LTBP1: variants seen among roughly 807,000 people sequenced by gnomAD.
LTBP1 encodes the protein latent-transforming growth factor beta-binding protein 1.
In LTBP1, 129 loss-of-function variants were observed where a neutral mutation model predicts 207.6. The ratio of observed to expected loss-of-function variants is 0.62; its 90% confidence interval spans 0.54 to 0.72. The LOEUF (loss-of-function observed/expected upper bound fraction) is 0.72, where lower values mean the gene tolerates loss of function less well. Ranked by LOEUF, LTBP1 falls within the 30% of genes least tolerant of loss-of-function variation. The probability of loss-of-function intolerance (pLI) is 0.00; values close to 1 mark genes in which losing one functional copy is unlikely to be tolerated. For synonymous variants in LTBP1, 963 were observed against 833.7 expected (o/e 1.16, Z -2.67); for missense variants, 2,281 against 2,217.2 (o/e 1.03, Z -0.58).
chr2:33,288,272 C>T (rs2093703716), intron 19 of LTBP1, among the ~76,000 whole-genome samples: 2 of 152,234 alleles, frequency 1.3e-5, no homozygotes, highest in African/African-American at 2.4e-5. Context: ...TGAGCACAGG[C>T]TGGGGAGAAC....
At chr2:33,151,146 C>T (rs1296753641) in intron 5 of LTBP1, among the ~76,000 whole-genome samples, 1 of 152,168 alleles carries the variant, frequency 6.6e-6, no homozygotes, top group Admixed American at 6.5e-5. Flanking sequence ...ATGCATTCAT[C>T]TGTCGATGTA....
At chr2:33,075,342 TG>T (rs1052883494) in intron 3 of LTBP1, among the ~76,000 whole-genome samples, 2 of 152,190 alleles carry the variant, frequency 1.3e-5, no homozygotes, top group African/African-American at 4.8e-5. Context: ...AAATATTTTT[TG>T]GGGGGCAACA....
intron 7 of LTBP1, among the ~76,000 whole-genome samples, chr2:33,210,530 A>G (rs559765446): frequency 6.6e-6 from 1 of 152,264 alleles, no homozygotes; most frequent in African/African-American, 2.4e-5. Flanking sequence ...CAAAGATGCT[A>G]ATTATTTAAT....
At chr2:33,189,805 T>TA (rs1303971146) in intron 7 of LTBP1, among the ~76,000 whole-genome samples, 14 of 152,050 alleles carry the variant, frequency 9.2e-5, no homozygotes, top group African/African-American at 3.4e-4. Flanking sequence ...GCAGGTGGAT[T>TA]ACCTGAGGTC....
chr2:33,102,851 A>G (rs1233143141), intron 3 of LTBP1, among the ~76,000 whole-genome samples: 1 of 151,982 alleles, frequency 6.6e-6, no homozygotes, highest in Non-Finnish European at 1.5e-5. Flanking sequence ...TGTATGCTGT[A>G]TGCACTGTCT....
chr2:33,002,637 C>G (rs189282145), intron 2 of LTBP1, among the ~76,000 whole-genome samples: 3 of 152,182 alleles, frequency 2.0e-5, no homozygotes, highest in African/African-American at 7.2e-5. Flanking sequence ...AAAAACATTT[C>G]TAGCACTGGG....
intron 2 of LTBP1, among the ~76,000 whole-genome samples, chr2:33,014,994 CTTTT>C (rs970499735): frequency 5.0e-5 from 7 of 141,142 alleles, no homozygotes; most frequent in Admixed American, 7.1e-5. Context: ...GTTTTGGCCA[CTTTT>C]TTTTTTTTTT....
chr2:33,354,888 A>T (rs546295701), intron 26 of LTBP1, among the ~76,000 whole-genome samples: 3 of 152,208 alleles, frequency 2.0e-5, no homozygotes, highest in African/African-American at 7.2e-5. Context: ...TTACAGGCCC[A>T]CGCCACCATG....
intron 19 of LTBP1, among the ~76,000 whole-genome samples, chr2:33,292,259 G>A (rs768552442): frequency 6.6e-6 from 1 of 152,130 alleles, no homozygotes; most frequent in Non-Finnish European, 1.5e-5. Flanking sequence ...CAATATAAAT[G>A]CTGTGTTAGC....
intron 2 of LTBP1, among the ~76,000 whole-genome samples, chr2:32,952,717 C>T (rs189598343): frequency 1.1e-3 from 166 of 152,224 alleles, no homozygotes; most frequent in African/African-American, 3.9e-3. Context: ...TTGCCCCCGT[C>T]TCAGGGTAAG....
chr2:33,380,750 A>T lies in LTBP1; in HGVS notation c.4712-8434A>T, dbSNP rs558986092. ...TTTCTCTTGACTTTTTAAAAATTGCAGTGAACTTCACAGAACATGAAATTA... is the reference window on the plus strand; with the variant it reads ...TTTCTCTTGACTTTTTAAAAATTGCTGTGAACTTCACAGAACATGAAATTA... On this transcript the variant is annotated intron_variant, in intron 31 of 33. Coordinates refer to ENST00000404816, the MANE Select transcript of LTBP1 (RefSeq NM_206943.4). Among the ~76,000 whole-genome samples, 3 of 152,308 alleles carry T rather than the reference A, an allele frequency of 2.0e-5. No homozygotes were observed. The South Asian group carries it at 6.2e-4, about 32-fold the overall frequency.
At chr2:32,969,965 G>T (rs1320645342) in intron 2 of LTBP1, among the ~76,000 whole-genome samples, 1 of 152,112 alleles carries the variant, frequency 6.6e-6, no homozygotes, top group Non-Finnish European at 1.5e-5. Context: ...TAGCCATTCT[G>T]ACTGGTGCAA....
intron 25 of LTBP1, among the ~76,000 whole-genome samples, chr2:33,345,311 G>A (rs1413348043): frequency 6.6e-5 from 10 of 152,134 alleles, no homozygotes; most frequent in African/African-American, 1.9e-4. Flanking sequence ...TCCCTAACTC[G>A]TCTGTAAGCT....
intron 26 of LTBP1, among the ~76,000 whole-genome samples, chr2:33,354,699 C>G (rs1573985260): frequency 8.5e-6 from 1 of 118,154 alleles, no homozygotes; most frequent in African/African-American, 2.7e-5. Flanking sequence ...CACACACACA[C>G]ACACACACAC....
chr2:33,351,467 T>C (rs13403267), intron 26 of LTBP1, among the ~76,000 whole-genome samples: 2,747 of 152,370 alleles, frequency 0.018, 52 homozygotes, highest in East Asian at 0.077. Context: ...ACATTAATCA[T>C]AGAAAATTGG....
chr2:33,357,369 A>G (rs1003730143), intron 26 of LTBP1, among the ~76,000 whole-genome samples: 15 of 152,100 alleles, frequency 9.9e-5, no homozygotes, highest in African/African-American at 2.9e-4. Context: ...CCCTCTTCCC[A>G]TTTATCTCAA....
chr2:33,389,061 G>A (rs541657715), intron 31 of LTBP1, 123 bp from the exon 32 acceptor site: 660 of 1,343,156 alleles, frequency 4.9e-4, no homozygotes, highest in Admixed American at 6.4e-4. Flanking sequence ...TCAGTGGTAC[G>A]CAGGAGATGG....
At chr2:33,353,860 CTTTT>C (rs1321533317) in intron 26 of LTBP1, among the ~76,000 whole-genome samples, 1 of 98,292 alleles carries the variant, frequency 1.0e-5, no homozygotes. Flanking sequence ...GCATGTACGC[CTTTT>C]TTTTTTTTTT....
intron 9 of LTBP1, among the ~76,000 whole-genome samples, chr2:33,241,791 T>C (rs2092332969): frequency 6.6e-6 from 1 of 152,230 alleles, no homozygotes; most frequent in Admixed American, 6.5e-5. Context: ...GCTTCACTTG[T>C]ACCGTGTAAG....
Sources: allele counts gnomAD v4.1 joint callset (sites outside exome capture counted in the v4.1 genomes callset), GRCh38; gene constraint gnomAD v4.1.1; transcripts MANE v1.5; gene names NCBI Gene and HGNC (gene_info 2026-07-23, HGNC 2026-07-21).